RTKN2: variants seen among roughly 807,000 people sequenced by gnomAD.
The protein encoded by RTKN2 is rhotekin-2.
In RTKN2, 69 loss-of-function variants were observed where a neutral mutation model predicts 71.5. The ratio of observed to expected loss-of-function variants is 0.96; its 90% CI spans 0.79 to 1.18. RTKN2 has a LOEUF of 1.18. Among genes scored for constraint, RTKN2 ranks in the 50% most tolerant of loss-of-function variants. The pLI is 0.00. For synonymous variants in RTKN2, 236 were observed against 236.5 expected (o/e 1.00, Z 0.02); for missense variants, 724 against 719.7 (o/e 1.01, Z -0.07).
chr10:62,201,166 T>A (rs916759988), intron 10 of RTKN2, among the ~76,000 whole-genome samples: 1 of 152,150 alleles, frequency 6.6e-6, no homozygotes, highest in Admixed American at 6.5e-5. Context: ...AATACACTTA[T>A]GTTGTATATC....
rs2132771307 is a variant in RTKN2, at chr10:62,193,676, G to C, written c.*4232C>G. The C allele has an allele frequency of 1.0e-6, 1 of 985,192 alleles. No homozygotes were observed. Among genetic ancestry groups the C allele is most frequent in the Non-Finnish European group, 1.2e-6 (1 of 829,764 alleles). The allele number at this position is 985,192 out of a possible 1,614,324, so 61.0% of individuals were successfully genotyped here. A position where few individuals can be genotyped will look rare whatever the true frequency, so the allele number is the denominator to read the frequency against. On this transcript the variant is annotated 3_prime_UTR_variant, in exon 12 of 12. Transcript: ENST00000373789. ...TACTGAGGGAGGTACATTAAAATAA[G>C]GAGACTCCTTGTGGCTAGTAGCGAC...
At chr10:62,255,317 G>C (rs1001816872) in intron 2 of RTKN2, among the ~76,000 whole-genome samples, 1 of 152,178 alleles carries the variant, frequency 6.6e-6, no homozygotes, top group African/African-American at 2.4e-5. Flanking sequence ...CTAGTGCCCA[G>C]GTTTGGCATT....
chr10:62,251,159 C>T (rs1462512909), intron 2 of RTKN2, among the ~76,000 whole-genome samples: 1 of 152,194 alleles, frequency 6.6e-6, no homozygotes, highest in Non-Finnish European at 1.5e-5. Context: ...ATGCCTATGA[C>T]ATTCATCTCA....
chr10:62,219,680 GGT>G (rs1016106493), intron 7 of RTKN2, among the ~76,000 whole-genome samples: 9 of 152,014 alleles, frequency 5.9e-5, no homozygotes, highest in Non-Finnish European at 1.3e-4. Flanking sequence ...TGAGTGTGGT[GGT>G]GTCTGCCTGT....
At chr10:62,236,394 G>A in intron 5 of RTKN2, 131 bp from the exon 6 acceptor site, 1 of 638,576 alleles carries the variant, frequency 1.6e-6, no homozygotes. Context: ...AAACCACTAT[G>A]AGATACTACT....
chr10:62,223,092 G>A (rs1367543333), intron 7 of RTKN2, 146 bp downstream of exon 7: 5 of 487,066 alleles, frequency 1.0e-5, no homozygotes, highest in Admixed American at 3.7e-5. Flanking sequence ...TTTCTCCTTT[G>A]GGGAAGAGGG....
chr10:62,257,698 GC>G (rs1842700295), intron 2 of RTKN2, among the ~76,000 whole-genome samples: 1 of 152,130 alleles, frequency 6.6e-6, no homozygotes, highest in South Asian at 2.1e-4. Flanking sequence ...GAAACCAATA[GC>G]TATTTTTTGA....
intron 10 of RTKN2, among the ~76,000 whole-genome samples, chr10:62,201,977 A>G (rs1045444690): frequency 9.2e-5 from 14 of 152,208 alleles, no homozygotes; most frequent in Non-Finnish European, 1.9e-4. Context: ...AATACCATTT[A>G]CTGTTATAGT....
At chr10:62,251,868 G>A (rs1014562561) in intron 2 of RTKN2, among the ~76,000 whole-genome samples, 4 of 151,788 alleles carry the variant, frequency 2.6e-5, no homozygotes, top group African/African-American at 9.7e-5. Flanking sequence ...AATATAAGGT[G>A]TCCAATGATA....
chr10:62,202,989 C>T (rs147694229), intron 10 of RTKN2, among the ~76,000 whole-genome samples: 6,172 of 152,030 alleles, frequency 0.041, 203 homozygotes, highest in Non-Finnish European at 0.061. Context: ...GGAGAAATCC[C>T]GTCTCTACTA....
Position 62,195,438 on chromosome 10 carries a change from C to T in RTKN2, c.*2470G>A, listed in dbSNP as rs934514154. The T allele has an allele frequency of 1.0e-6, 1 of 980,414 alleles. No individual in the cohort carries two copies. The highest frequency in any genetic ancestry group is 1.2e-6 in the Non-Finnish European group (1 of 826,236). The allele number at this position is 980,414 out of a possible 1,614,324, so 60.7% of individuals were successfully genotyped here. The stretch of plus-strand genomic sequence containing the variant: ...AAACACTCTTTGACACAGTGCTTAA[C>T]TATTTTTAGATTTTTTTTTTAAACT... On this transcript the variant is annotated 3_prime_UTR_variant, in exon 12 of 12. Coordinates refer to ENST00000373789, the MANE Select transcript of RTKN2 (RefSeq NM_145307.4).
At chr10:62,226,181 T>C (rs1589359032) in intron 6 of RTKN2, among the ~76,000 whole-genome samples, 3 of 152,180 alleles carry the variant, frequency 2.0e-5, no homozygotes, top group African/African-American at 4.8e-5. Context: ...TCAACGAGTA[T>C]ATTAAAAGAG....
intron 2 of RTKN2, among the ~76,000 whole-genome samples, chr10:62,257,716 A>G (rs1842700572): frequency 6.6e-6 from 1 of 152,220 alleles, no homozygotes; most frequent in Non-Finnish European, 1.5e-5. Context: ...TTGAAAGTAG[A>G]CTGAAATAAA....
intron 9 of RTKN2, among the ~76,000 whole-genome samples, chr10:62,211,910 C>G (rs991752591): frequency 6.6e-6 from 1 of 152,074 alleles, no homozygotes; most frequent in African/African-American, 2.4e-5. Context: ...CTGATCCGCC[C>G]GTGCTGACCT....
At chr10:62,265,051 A>G (rs575827793) in intron 1 of RTKN2, among the ~76,000 whole-genome samples, 1 of 152,272 alleles carries the variant, frequency 6.6e-6, no homozygotes, top group East Asian at 1.9e-4. Context: ...AGACTCCATA[A>G]AACTATAGAA....
intron 5 of RTKN2, chr10:62,238,232 A>G (rs1009415255): frequency 6.6e-6 from 1 of 152,062 alleles, no homozygotes; most frequent in Non-Finnish European, 1.5e-5. Context: ...GTCAATATTT[A>G]GAGAAAAACC....
chr10:62,229,928 T>C (rs1186840135), intron 6 of RTKN2, among the ~76,000 whole-genome samples: 5 of 152,288 alleles, frequency 3.3e-5, no homozygotes, highest in South Asian at 4.1e-4. Context: ...AGTTAAACTA[T>C]GATATAGCCC....
intron 5 of RTKN2, chr10:62,238,332 T>C (rs1589369796): frequency 6.6e-6 from 1 of 151,962 alleles, no homozygotes; most frequent in East Asian, 1.9e-4. Flanking sequence ...TCAGCAGTTA[T>C]TTTTAGTACA....
rs1163320474 is a variant in RTKN2, at chr10:62,194,006, A to G, written c.*3902T>C. ...AAAAAGTTAGAAAACGTCTTCATGA[A>G]TCAGTTCTTTTAATGTACAGAAGTT... On this transcript the variant is annotated 3_prime_UTR_variant, in exon 12 of 12. Coordinates refer to ENST00000373789, the MANE Select transcript of RTKN2 (RefSeq NM_145307.4). 6 of 984,936 alleles carry G rather than the reference A, an allele frequency of 6.1e-6. No homozygotes were observed. The African/African-American group carries it at 1.0e-4, about 17-fold the overall frequency. 61.0% of individuals were successfully genotyped at this position (984,936 alleles called of 1,614,324 possible).
Sources: gnomAD v4.1 joint callset for allele counts (sites outside exome capture counted in the v4.1 genomes callset) on GRCh38, gnomAD v4.1.1 for gene constraint, MANE v1.5 for transcripts, NCBI Gene and HGNC (gene_info 2026-07-23, HGNC 2026-07-21) for gene names.